ATP8A1: variants seen among roughly 807,000 people sequenced by gnomAD.
The protein encoded by ATP8A1 is ATPase phospholipid transporting 8A1.
In ATP8A1, 90 loss-of-function variants were observed where a neutral mutation model predicts 177.7. The ratio of observed to expected loss-of-function variants is 0.51; its 90% CI spans 0.43 to 0.60. The LOEUF (loss-of-function observed/expected upper bound fraction) is 0.60. Ranked by LOEUF, ATP8A1 falls within the 20% of genes least tolerant of loss-of-function variation. The probability of loss-of-function intolerance (pLI) is 0.00; values close to 1 mark genes in which losing one functional copy is unlikely to be tolerated. For missense variants in ATP8A1, 1,072 were observed against 1,392.8 expected (o/e 0.77, Z 3.67); for synonymous variants, 493 against 485.9 (o/e 1.01, Z -0.19).
intron 25 of ATP8A1, among the ~76,000 whole-genome samples, chr4:42,478,565 A>AC (rs1721328698): frequency 7.4e-6 from 1 of 135,834 alleles, no homozygotes; most frequent in African/African-American, 2.6e-5. Flanking sequence ...TACACACACA[A>AC]AAAAAAAACC....
chr4:42,422,794 C>T lies in ATP8A1; in HGVS notation c.3305+13G>A, dbSNP rs1413890625. The T allele has an allele frequency of 6.3e-7, 1 of 1,593,952 alleles. No homozygotes were observed. Among genetic ancestry groups the T allele is most frequent in the Non-Finnish European group, 8.6e-7 (1 of 1,164,002 alleles). On this transcript the variant is annotated intron_variant, in intron 35 of 36. Coordinates refer to ENST00000381668, the MANE Select transcript of ATP8A1 (RefSeq NM_006095.2). ...GTTCATTTGGAAAAGAATATATTCA[C>T]TGTGTATTTTACCTTTTTCCAAGTA...
chr4:42,580,837 T>C (rs1732960537), intron 10 of ATP8A1, among the ~76,000 whole-genome samples: 1 of 152,124 alleles, frequency 6.6e-6, no homozygotes, highest in Non-Finnish European at 1.5e-5. Context: ...TGAAGATCAA[T>C]GCAAGAATTA....
chr4:42,435,426 C>CAAAAAAAAAAAAAAAGAAAAACAAAAAAA (rs1715812800), intron 33 of ATP8A1, among the ~76,000 whole-genome samples: 1 of 93,958 alleles, frequency 1.1e-5, no homozygotes, highest in African/African-American at 3.8e-5. Flanking sequence ...GACTTCATCT[C>CAAAAAAAAAAAAAAAGAAAAACAAAAAAA]AAAAAAAAAA....
At chr4:42,555,144 ATCTATCTATCTATCTATCT>A (rs1730025602) in intron 16 of ATP8A1, among the ~76,000 whole-genome samples, 9 of 57,300 alleles carry the variant, frequency 1.6e-4, no homozygotes, top group East Asian at 4.2e-4. Flanking sequence ...TATCTAATCT[ATCTATCTATCTATCTATCT>A]ATCTATCTAT....
At position 42,499,883 on chromosome 4, in the gene ATP8A1, A is replaced by G. The variant is rs1314568006; in HGVS notation, c.2151+3567T>C. Among the ~76,000 whole-genome samples, 3 of 152,372 alleles carry G rather than the reference A, an allele frequency of 2.0e-5. No individual in the cohort carries two copies. In the East Asian group the frequency reaches 5.8e-4, roughly 29 times the overall value. ...CATTCTAGATGTTTCCAGATTTAAC[A>G]GACAGACTTTAAAAAATTAAAACAA... On this transcript the variant is annotated intron_variant, in intron 24 of 36. Transcript: ENST00000381668.
chr4:42,555,135 ATCTAATCTATCT>A (rs1449226506), intron 16 of ATP8A1, among the ~76,000 whole-genome samples: 1,124 of 59,732 alleles, frequency 0.019, 4 homozygotes, highest in Non-Finnish European at 0.024. Flanking sequence ...CTATCTATCT[ATCTAATCTATCT>A]ATCTATCTAT....
chr4:42,586,941 C>A (rs1244843045), intron 8 of ATP8A1, among the ~76,000 whole-genome samples: 1 of 152,196 alleles, frequency 6.6e-6, no homozygotes, highest in Non-Finnish European at 1.5e-5. Flanking sequence ...CCAGAAGCAG[C>A]TGTCACTGAG....
At chr4:42,614,582 C>T (rs897077200) in intron 5 of ATP8A1, among the ~76,000 whole-genome samples, 1 of 152,186 alleles carries the variant, frequency 6.6e-6, no homozygotes, top group Admixed American at 6.5e-5. Flanking sequence ...CCATCTTTAA[C>T]CCACATGTTC....
chr4:42,520,822 G>T (rs1279383603), intron 22 of ATP8A1, among the ~76,000 whole-genome samples: 1 of 151,962 alleles, frequency 6.6e-6, no homozygotes, highest in Non-Finnish European at 1.5e-5. Flanking sequence ...TTATATTTAG[G>T]TATCTTCCCC....
At chr4:42,617,498 G>A (rs1737038327) in intron 4 of ATP8A1, among the ~76,000 whole-genome samples, 2 of 152,196 alleles carry the variant, frequency 1.3e-5, no homozygotes, top group South Asian at 4.1e-4. Context: ...CATCAGTAGA[G>A]ATTTTGTAGT....
chr4:42,504,746 G>T (rs1447058996), intron 23 of ATP8A1, among the ~76,000 whole-genome samples: 1 of 152,232 alleles, frequency 6.6e-6, no homozygotes, highest in African/African-American at 2.4e-5. Context: ...AGGAAAGTCA[G>T]AGCATGTCTT....
At chr4:42,480,987 T>C (rs1721614951) in intron 25 of ATP8A1, among the ~76,000 whole-genome samples, 1 of 152,186 alleles carries the variant, frequency 6.6e-6, no homozygotes, top group South Asian at 2.1e-4. Flanking sequence ...TCACAGAACA[T>C]AAGTTTCAAA....
intron 4 of ATP8A1, among the ~76,000 whole-genome samples, chr4:42,622,972 G>A (rs1207368731): frequency 6.7e-6 from 1 of 148,310 alleles, no homozygotes; most frequent in Non-Finnish European, 1.5e-5. Context: ...TCGCACCACT[G>A]CACTCCAGCC....
chr4:42,479,989 G>T (rs970976925), intron 25 of ATP8A1, among the ~76,000 whole-genome samples: 5 of 49,182 alleles, frequency 1.0e-4, no homozygotes, highest in Non-Finnish European at 2.4e-4. Flanking sequence ...GTAATCTGCA[G>T]TTCTGCTTGT....
At chr4:42,532,357 G>C (rs940049773) in intron 20 of ATP8A1, among the ~76,000 whole-genome samples, 2 of 151,928 alleles carry the variant, frequency 1.3e-5, no homozygotes, top group Non-Finnish European at 2.9e-5. Context: ...ATGATGGCGG[G>C]TGACTGTAAT....
At chr4:42,606,824 C>T (rs968603386) in intron 5 of ATP8A1, among the ~76,000 whole-genome samples, 7 of 152,120 alleles carry the variant, frequency 4.6e-5, no homozygotes, top group Non-Finnish European at 7.3e-5. Context: ...TTGCTGACTC[C>T]GGGGCATTTG....
intron 1 of ATP8A1, among the ~76,000 whole-genome samples, chr4:42,648,068 TG>T (rs1389444555): frequency 6.6e-6 from 1 of 152,154 alleles, no homozygotes; most frequent in African/African-American, 2.4e-5. Context: ...TAGCAATAAT[TG>T]AAGAGGGAAA....
intron 18 of ATP8A1, among the ~76,000 whole-genome samples, chr4:42,550,189 T>C (rs991314058): frequency 8.5e-4 from 97 of 113,812 alleles, no homozygotes; most frequent in African/African-American, 2.8e-3. Flanking sequence ...CACTCCTTTG[T>C]GTCTGGCTTT....
chr4:42,446,036 T>C (rs1191321171), intron 31 of ATP8A1, among the ~76,000 whole-genome samples: 1 of 131,498 alleles, frequency 7.6e-6, no homozygotes, highest in Admixed American at 9.3e-5. Flanking sequence ...GCCAAGGTCA[T>C]GCCACTGCAC....
Sources: gnomAD v4.1 joint callset for allele counts (sites outside exome capture counted in the v4.1 genomes callset) on GRCh38, gnomAD v4.1.1 for gene constraint, MANE v1.5 for transcripts, NCBI Gene and HGNC (gene_info 2026-07-23, HGNC 2026-07-21) for gene names.